Variants in MARCHF1 observed in about 807,000 individuals in gnomAD.
MARCHF1 encodes E3 ubiquitin-protein ligase MARCHF1.
In MARCHF1, 40 loss-of-function variants were observed where a neutral mutation model predicts 54.2. The ratio of observed to expected loss-of-function variants is 0.74; its 90% CI spans 0.57 to 0.96. The LOEUF is 0.96. Among genes scored for constraint, MARCHF1 ranks in the 40% least tolerant of loss-of-function variants. The pLI, the probability that MARCHF1 is intolerant of heterozygous loss-of-function variation, is 0.00. For missense variants in MARCHF1, 586 were observed against 656.5 expected (o/e 0.89, Z 1.17); for synonymous variants, 236 against 236.3 (o/e 1.00, Z 0.01).
At chr4:164,304,732 C>T (rs1734654531) in intron 1 of MARCHF1, among the ~76,000 whole-genome samples, 1 of 152,122 alleles carries the variant, frequency 6.6e-6, no homozygotes, top group African/African-American at 2.4e-5. Context: ...TAAATATCTA[C>T]ATGAAAATTT....
chr4:163,584,414 A>G (rs968275972), intron 8 of MARCHF1: 5 of 152,160 alleles, frequency 3.3e-5, no homozygotes, highest in African/African-American at 1.2e-4. Flanking sequence ...GTGGAGTACA[A>G]TGTGCCATTT....
chr4:164,094,374 A>C (rs1755365114), intron 2 of MARCHF1, among the ~76,000 whole-genome samples: 1 of 152,090 alleles, frequency 6.6e-6, no homozygotes, highest in Non-Finnish European at 1.5e-5. Context: ...GACAATAGAG[A>C]ATTACATTAT....
At chr4:164,133,840 C>T (rs1361943136) in intron 1 of MARCHF1, among the ~76,000 whole-genome samples, 2 of 152,310 alleles carry the variant, frequency 1.3e-5, no homozygotes, top group East Asian at 3.9e-4. Context: ...GCAAAAAAGA[C>T]ACCAAGAGTA....
chr4:164,351,357 T>C (rs527365506), intron 1 of MARCHF1, among the ~76,000 whole-genome samples: 18 of 151,220 alleles, frequency 1.2e-4, no homozygotes, highest in African/African-American at 4.1e-4. Flanking sequence ...GACTTAAATG[T>C]CCCTGTCTGA....
At chr4:163,841,659 T>C (rs888237077) in intron 4 of MARCHF1, among the ~76,000 whole-genome samples, 24 of 152,118 alleles carry the variant, frequency 1.6e-4, no homozygotes, top group Admixed American at 1.3e-4. Context: ...CTAATTTCCA[T>C]AGGTGAAATT....
intron 1 of MARCHF1, among the ~76,000 whole-genome samples, chr4:164,327,852 G>A (rs1735323054): frequency 6.6e-6 from 1 of 152,212 alleles, no homozygotes; most frequent in South Asian, 2.1e-4. Context: ...AGCTGGTGCA[G>A]CTATTCTTTA....
intron 7 of MARCHF1, among the ~76,000 whole-genome samples, chr4:163,603,020 A>C (rs1253126245): frequency 6.6e-6 from 1 of 152,116 alleles, no homozygotes; most frequent in African/African-American, 2.4e-5. Flanking sequence ...TACTATGTTC[A>C]AGGATGTGAT....
chr4:163,683,268 C>T (rs1408883535), intron 5 of MARCHF1, among the ~76,000 whole-genome samples: 2 of 152,184 alleles, frequency 1.3e-5, no homozygotes, highest in African/African-American at 4.8e-5. Flanking sequence ...GCACATCTCA[C>T]ATGGTGGTCG....
intron 1 of MARCHF1, among the ~76,000 whole-genome samples, chr4:164,196,693 A>G (rs568811854): frequency 2.0e-5 from 3 of 152,320 alleles, no homozygotes; most frequent in South Asian, 4.1e-4. Context: ...TAAAAAAATA[A>G]AAAGAGAGAG....
rs547224080 is a variant in MARCHF1, at chr4:163,970,059, G to T, written c.-39+18442C>A. The stretch of plus-strand genomic sequence containing the variant: ...CCATTAGATCTCACATATTCAGAGG[G>T]CCCGAGAGAGATACAACCTCCAATA... On this transcript the variant is annotated intron_variant, in intron 3 of 9. Transcript: ENST00000514618. Among the ~76,000 whole-genome samples the T allele has an allele frequency of 2.0e-5, 3 of 152,226 alleles. No homozygotes were observed. In the South Asian group the frequency reaches 6.2e-4, roughly 32 times the overall value.
chr4:164,300,599 G>T (rs988970475), intron 1 of MARCHF1, among the ~76,000 whole-genome samples: 1 of 152,042 alleles, frequency 6.6e-6, no homozygotes. Context: ...CAAGCTATAG[G>T]GGAGTGATCT....
At chr4:163,920,471 C>G (rs967326148) in intron 3 of MARCHF1, among the ~76,000 whole-genome samples, 8 of 152,178 alleles carry the variant, frequency 5.3e-5, no homozygotes, top group Admixed American at 3.3e-4. Flanking sequence ...CCTTCTAAAG[C>G]CTGCTTTACT....
intron 3 of MARCHF1, chr4:163,932,759 C>T (rs569370136): frequency 1.2e-5 from 7 of 567,732 alleles, no homozygotes; most frequent in South Asian, 4.5e-5. Context: ...TGATTAAGGA[C>T]TACCAGGAGA....
In MARCHF1 at chr4:163,525,949, C is replaced by A. The variant is rs1274397447; in HGVS notation, c.*2799G>T. 1 of 152,020 alleles carries A rather than the reference C, an allele frequency of 6.6e-6. No individual in the cohort carries two copies. Among genetic ancestry groups the A allele is most frequent in the Admixed American group, 6.6e-5 (1 of 15,240 alleles). 9.4% of individuals were successfully genotyped at this position (152,020 alleles called of 1,614,324 possible). ...CAGGTAGTTATTTCAGATGTTTGAA[C>A]CATAAACAAACAACCATTGCTGAAA... On this transcript the variant is annotated 3_prime_UTR_variant, in exon 10 of 10. Transcript: ENST00000514618.
chr4:164,205,337 G>A (rs1438103263), intron 1 of MARCHF1, among the ~76,000 whole-genome samples: 2 of 152,010 alleles, frequency 1.3e-5, no homozygotes, highest in Non-Finnish European at 2.9e-5. Flanking sequence ...AATAGTATAG[G>A]CACTATTGAC....
At chr4:163,696,515 T>G (rs909249337) in intron 5 of MARCHF1, among the ~76,000 whole-genome samples, 2 of 152,162 alleles carry the variant, frequency 1.3e-5, no homozygotes, top group African/African-American at 2.4e-5. Context: ...ACTTCCCTGG[T>G]AGGTGACACT....
intron 4 of MARCHF1, among the ~76,000 whole-genome samples, chr4:163,840,895 A>G (rs1345433703): frequency 6.6e-6 from 1 of 152,124 alleles, no homozygotes; most frequent in Non-Finnish European, 1.5e-5. Flanking sequence ...CACGATATAC[A>G]ACTTAAATGG....
In MARCHF1 at chr4:163,623,964, G is replaced by A. The variant is rs537261368; in HGVS notation, c.163-10571C>T. Among the ~76,000 whole-genome samples, 8 of 152,146 alleles carry A rather than the reference G, an allele frequency of 5.3e-5. No homozygotes were observed. The East Asian group carries it at 7.8e-4, about 15-fold the overall frequency. On this transcript the variant is annotated intron_variant, in intron 5 of 9. Transcript: ENST00000514618. ...AGAATTTAGGAGCTAGATCACTCAC[G>A]ATCAGGCATACCAGGCATACCTTTG...
At chr4:164,188,689 C>T (rs1447939892) in intron 1 of MARCHF1, 10 of 1,090,496 alleles carry the variant, frequency 9.2e-6, no homozygotes, top group African/African-American at 6.1e-5. Flanking sequence ...GCACGTGGAA[C>T]GACCTGTCTA....
Sources: gnomAD v4.1 joint callset for allele counts (sites outside exome capture counted in the v4.1 genomes callset) on GRCh38, gnomAD v4.1.1 for gene constraint, MANE v1.5 for transcripts, NCBI Gene and HGNC (gene_info 2026-07-23, HGNC 2026-07-21) for gene names.